Variants in AP3B1 observed in about 807,000 individuals in gnomAD.
AP3B1 encodes adaptor related protein complex 3 subunit beta 1.
Under a neutral mutation model 132.5 loss-of-function variants are expected in AP3B1, and 61 were observed. The observed-to-expected ratio is 0.46, with a 90% CI of 0.37 to 0.57. AP3B1 has a LOEUF of 0.57. Ranked by LOEUF, AP3B1 falls within the 20% of genes least tolerant of loss-of-function variation. The probability of loss-of-function intolerance (pLI) is 0.00; values close to 1 mark genes in which losing one functional copy is unlikely to be tolerated. For missense variants in AP3B1, 1,120 were observed against 1,289.4 expected, an observed-to-expected ratio of 0.87 and a Z score of 2.01; for synonymous variants, 388 against 438.3, an observed-to-expected ratio of 0.89 and a Z score of 1.43.
chr5:78,193,744 T>TATATATA (rs1262089756), intron 7 of AP3B1, among the ~76,000 whole-genome samples: 10 of 110,412 alleles, frequency 9.1e-5, no homozygotes, highest in South Asian at 2.8e-4. Context: ...ATATATTTTT[T>TATATATA]TATATATATA....
At chr5:78,057,831 T>A (rs1345146386) in intron 22 of AP3B1, among the ~76,000 whole-genome samples, 1 of 152,226 alleles carries the variant, frequency 6.6e-6, no homozygotes, top group African/African-American at 2.4e-5. Flanking sequence ...CATTATGATC[T>A]TAACCATATT....
chr5:78,155,393 C>T (rs1743103399), intron 14 of AP3B1, among the ~76,000 whole-genome samples: 1 of 152,164 alleles, frequency 6.6e-6, no homozygotes, highest in Non-Finnish European at 1.5e-5. Flanking sequence ...AAGTTAAAAC[C>T]AGATACTGTG....
At chr5:78,218,353 G>A (rs1019386210) in intron 6 of AP3B1, among the ~76,000 whole-genome samples, 16 of 151,924 alleles carry the variant, frequency 1.1e-4, no homozygotes, top group Admixed American at 1.0e-3. Context: ...TCATATCAGG[G>A]AAAAAATAAA....
chr5:78,098,475 C>T (rs952836303), intron 21 of AP3B1, among the ~76,000 whole-genome samples: 1 of 151,992 alleles, frequency 6.6e-6, no homozygotes, highest in Non-Finnish European at 1.5e-5. Context: ...TACCTTGTAA[C>T]ATTTACTCTT....
intron 22 of AP3B1, among the ~76,000 whole-genome samples, chr5:78,085,787 C>A (rs1034196264): frequency 6.6e-6 from 1 of 152,014 alleles, no homozygotes; most frequent in African/African-American, 2.4e-5. Flanking sequence ...TAACCACTGA[C>A]AGATACACAG....
chr5:78,075,186 G>C (rs1185846663), intron 22 of AP3B1, among the ~76,000 whole-genome samples: 1 of 152,100 alleles, frequency 6.6e-6, no homozygotes, highest in East Asian at 1.9e-4. Context: ...AACTGGTAGG[G>C]GGGTGGTTGG....
chr5:78,101,811 A>G (rs1161158147), intron 20 of AP3B1, among the ~76,000 whole-genome samples: 1 of 152,080 alleles, frequency 6.6e-6, no homozygotes, highest in African/African-American at 2.4e-5. Flanking sequence ...TAAAAAGAAA[A>G]CAGTATTAAG....
intron 9 of AP3B1, among the ~76,000 whole-genome samples, chr5:78,176,352 A>G (rs1744147834): frequency 6.6e-6 from 1 of 152,178 alleles, no homozygotes; most frequent in East Asian, 1.9e-4. Flanking sequence ...GGAAAAAAAA[A>G]AAAAGTATTG....
intron 22 of AP3B1, among the ~76,000 whole-genome samples, chr5:78,060,230 A>G (rs901125665): frequency 1.3e-5 from 2 of 152,210 alleles, no homozygotes; most frequent in African/African-American, 4.8e-5. Flanking sequence ...AGCATTCTGC[A>G]ACCATTTGTG....
chr5:78,210,970 T>C (rs1259838399), intron 7 of AP3B1, among the ~76,000 whole-genome samples: 2 of 152,140 alleles, frequency 1.3e-5, no homozygotes, highest in Non-Finnish European at 2.9e-5. Context: ...TTGAAAATTA[T>C]ACAAACTTGA....
chr5:78,027,735 G>A (rs187018811), intron 24 of AP3B1, among the ~76,000 whole-genome samples: 1 of 151,974 alleles, frequency 6.6e-6, no homozygotes, highest in East Asian at 1.9e-4. Flanking sequence ...GAAAGTTCCA[G>A]GTTTTTTTCT....
chr5:78,153,009 T>C (rs544205556), intron 14 of AP3B1, among the ~76,000 whole-genome samples: 5 of 152,360 alleles, frequency 3.3e-5, no homozygotes, highest in African/African-American at 9.6e-5. Flanking sequence ...ATGTGTATTC[T>C]GCAGCTCTTG....
At chr5:78,016,855 T>G (rs1746877142) in intron 25 of AP3B1, among the ~76,000 whole-genome samples, 1 of 152,136 alleles carries the variant, frequency 6.6e-6, no homozygotes, top group African/African-American at 2.4e-5. Context: ...AGTCAAACAC[T>G]GCTTTTAAGT....
At chr5:78,167,041 T>C (rs991236679) in intron 11 of AP3B1, among the ~76,000 whole-genome samples, 1 of 152,098 alleles carries the variant, frequency 6.6e-6, no homozygotes, top group Non-Finnish European at 1.5e-5. Context: ...TAAGAAATAA[T>C]CAGCAGAGTT....
chr5:78,164,743 T>C (rs905477531), intron 12 of AP3B1, among the ~76,000 whole-genome samples: 10 of 152,156 alleles, frequency 6.6e-5, no homozygotes, highest in African/African-American at 2.4e-4. Flanking sequence ...GGACATGCCA[T>C]ATTATTCTAC....
At chr5:78,047,531 A>G (rs574649102) in intron 22 of AP3B1, among the ~76,000 whole-genome samples, 1 of 152,038 alleles carries the variant, frequency 6.6e-6, no homozygotes, top group Non-Finnish European at 1.5e-5. Flanking sequence ...TCCTTTGCCC[A>G]CTTTTTGATG....
At chr5:78,275,813 C>G (rs759199421) in intron 1 of AP3B1, among the ~76,000 whole-genome samples, 1 of 151,812 alleles carries the variant, frequency 6.6e-6, no homozygotes, top group East Asian at 1.9e-4. Flanking sequence ...ACTGGCAGAA[C>G]CAGGAAACGA....
intron 26 of AP3B1, among the ~76,000 whole-genome samples, chr5:78,005,104 C>A (rs1746336364): frequency 1.3e-5 from 2 of 152,162 alleles, no homozygotes; most frequent in African/African-American, 4.8e-5. Context: ...TATGAGGTGG[C>A]TCTATTTTCC....
intron 22 of AP3B1, among the ~76,000 whole-genome samples, chr5:78,083,815 G>C (rs1750118067): frequency 6.6e-6 from 1 of 152,006 alleles, no homozygotes; most frequent in South Asian, 2.1e-4. Flanking sequence ...TAAAAGGATA[G>C]GAACAAATAG....
Sources: gnomAD v4.1 joint callset for allele counts (sites outside exome capture counted in the v4.1 genomes callset) on GRCh38, gnomAD v4.1.1 for gene constraint, MANE v1.5 for transcripts, NCBI Gene and HGNC (gene_info 2026-07-23, HGNC 2026-07-21) for gene names.